NRXN3: variants seen among roughly 807,000 people sequenced by gnomAD.
NRXN3 encodes the protein neurexin III.
NRXN3 carries 32 observed loss-of-function variants against 137.6 expected under a neutral mutation model. The observed-to-expected ratio is 0.23, with a 90% CI of 0.18 to 0.31. The LOEUF is 0.31. Ranked by LOEUF, NRXN3 falls within the 10% of genes least tolerant of loss-of-function variation. The pLI is 1.00. For synonymous variants in NRXN3, 798 were observed against 784.5 expected (o/e 1.02, Z -0.29); for missense variants, 1,574 against 2,062.5 (o/e 0.76, Z 4.59).
In NRXN3 at chr14:78,881,888, C is replaced by T. The variant is rs2099130003; in HGVS notation, c.2275+71544C>T. On this transcript the variant is annotated intron_variant, in intron 10 of 20. Coordinates refer to ENST00000335750, the MANE Select transcript of NRXN3 (RefSeq NM_001330195.2). ...TGTCTCCAGGGCATGTCAGAGACCA[C>T]AACAGTCCCTCCCATCACAAACCTG... Among the ~76,000 whole-genome samples, 2 of 151,512 alleles carry T rather than the reference C, an allele frequency of 1.3e-5. 1 individual carries two copies. The highest frequency in any genetic ancestry group is 4.9e-5 in the African/African-American group (2 of 40,894).
chr14:79,049,689 A>G (rs1165593145), intron 15 of NRXN3, among the ~76,000 whole-genome samples: 2 of 152,180 alleles, frequency 1.3e-5, no homozygotes, highest in Non-Finnish European at 2.9e-5. Flanking sequence ...TACAAAATGT[A>G]TTTCTTCAAT....
chr14:79,405,752 A>C (rs189767028), intron 15 of NRXN3, among the ~76,000 whole-genome samples: 266 of 152,246 alleles, frequency 1.7e-3, no homozygotes, highest in Non-Finnish European at 2.9e-3. Flanking sequence ...TTGAATTTGC[A>C]ATGCCTGGAG....
At chr14:78,344,392 A>T (rs1255870420) in intron 4 of NRXN3, among the ~76,000 whole-genome samples, 6 of 152,246 alleles carry the variant, frequency 3.9e-5, no homozygotes, top group Admixed American at 2.6e-4. Context: ...GGATTCTCTC[A>T]CATGACAACA....
At chr14:78,770,039 T>C (rs1009751801) in intron 8 of NRXN3, among the ~76,000 whole-genome samples, 1 of 152,202 alleles carries the variant, frequency 6.6e-6, no homozygotes, top group African/African-American at 2.4e-5. Flanking sequence ...TCTAGGTATG[T>C]GTGTGCGTGT....
intron 8 of NRXN3, among the ~76,000 whole-genome samples, chr14:78,790,589 G>A (rs745954802): frequency 6.6e-6 from 1 of 152,188 alleles, no homozygotes; most frequent in Non-Finnish European, 1.5e-5. Flanking sequence ...AGTTTGGGTG[G>A]AGGGAAAGCA....
At chr14:79,596,664 G>T (rs1357653823) in intron 16 of NRXN3, among the ~76,000 whole-genome samples, 4 of 152,074 alleles carry the variant, frequency 2.6e-5, no homozygotes. Context: ...TCTGTGTGGG[G>T]GAGAAATTTA....
intron 15 of NRXN3, among the ~76,000 whole-genome samples, chr14:79,457,425 G>A (rs944807478): frequency 2.2e-4 from 33 of 152,302 alleles, no homozygotes; most frequent in African/African-American, 7.7e-4. Context: ...CAGATGATGA[G>A]GTAGAAGTGT....
intron 15 of NRXN3, among the ~76,000 whole-genome samples, chr14:79,017,613 C>T (rs2099581449): frequency 6.6e-6 from 1 of 152,114 alleles, no homozygotes; most frequent in Non-Finnish European, 1.5e-5. Context: ...CCAAGCATTA[C>T]TGGAGCAAAT....
chr14:79,184,339 A>G (rs577109442), intron 15 of NRXN3, among the ~76,000 whole-genome samples: 3 of 152,346 alleles, frequency 2.0e-5, no homozygotes, highest in East Asian at 1.9e-4. Flanking sequence ...GTGAAAAAGA[A>G]TAAGATATAA....
At chr14:79,341,032 T>G (rs758110688) in intron 15 of NRXN3, among the ~76,000 whole-genome samples, 57 of 152,190 alleles carry the variant, frequency 3.7e-4, no homozygotes, top group Non-Finnish European at 7.1e-4. Context: ...AAAGGGTTAA[T>G]GGGAGCATTT....
chr14:79,489,531 C>T (rs565375305), intron 16 of NRXN3, among the ~76,000 whole-genome samples: 8 of 152,272 alleles, frequency 5.3e-5, no homozygotes, highest in African/African-American at 1.7e-4. Context: ...AGACACCGGG[C>T]TCGTTTCACT....
intron 14 of NRXN3, among the ~76,000 whole-genome samples, chr14:78,982,351 C>G (rs955094650): frequency 1.3e-5 from 2 of 152,084 alleles, no homozygotes; most frequent in African/African-American, 2.4e-5. Flanking sequence ...GTAAAGGTGA[C>G]CAAGACAGAC....
At chr14:79,813,547 A>G (rs1388966087) in intron 20 of NRXN3, among the ~76,000 whole-genome samples, 1 of 152,180 alleles carries the variant, frequency 6.6e-6, no homozygotes, top group East Asian at 1.9e-4. Flanking sequence ...ATATAGATAT[A>G]CAAATCAAAC....
At chr14:78,192,195 G>T (rs1342446942) in intron 1 of NRXN3, among the ~76,000 whole-genome samples, 1 of 151,928 alleles carries the variant, frequency 6.6e-6, no homozygotes, top group African/African-American at 2.4e-5. Context: ...GCAGGAGATG[G>T]CTCCTGGCTA....
At chr14:78,939,954 A>G (rs1030397241) in intron 10 of NRXN3, among the ~76,000 whole-genome samples, 5 of 152,230 alleles carry the variant, frequency 3.3e-5, no homozygotes, top group African/African-American at 1.2e-4. Flanking sequence ...CTATGACAAA[A>G]TCGAATAATC....
At chr14:79,536,929 T>C (rs1303109293) in intron 16 of NRXN3, among the ~76,000 whole-genome samples, 2 of 152,198 alleles carry the variant, frequency 1.3e-5, no homozygotes, top group Non-Finnish European at 2.9e-5. Context: ...TATGTGTGCA[T>C]GTATCCTTAT....
rs199783575 is a variant in NRXN3 at position 78,943,619 on chromosome 14, AAAATATATATATATATATATATATAT to A, written c.2276-13621_2276-13596del. Among the ~76,000 whole-genome samples the A allele has an allele frequency of 1.8e-3, 78 of 42,810 alleles. 4 individuals are homozygous for A. Among genetic ancestry groups the A allele is most frequent in the East Asian group, 4.7e-3 (5 of 1,066 alleles). 28.1% of individuals were successfully genotyped at this position (42,810 alleles called of 152,430 possible). A position where few individuals can be genotyped will look rare whatever the true frequency, so the allele number is the denominator to read the frequency against. On this transcript the variant is annotated intron_variant, in intron 10 of 20. Transcript: ENST00000335750. ...GAAGCAAGATCACTGTTAAAAAAAA[AAAATATATATATATATATATATATAT>A]ATATATATATATATATATATATATA...
intron 15 of NRXN3, among the ~76,000 whole-genome samples, chr14:79,452,286 A>T (rs1459282120): frequency 1.3e-5 from 2 of 152,218 alleles, no homozygotes; most frequent in Non-Finnish European, 2.9e-5. Context: ...GCAAGAGTTA[A>T]AGACCAATTA....
chr14:78,709,677 G>A, intron 7 of NRXN3, 22 bp downstream of exon 7: 1 of 1,591,658 alleles, frequency 6.3e-7, no homozygotes, highest in Non-Finnish European at 8.6e-7. Context: ...CAGGATGTGT[G>A]ACTGAGACTA....
Sources: gnomAD v4.1 joint callset for allele counts (sites outside exome capture counted in the v4.1 genomes callset) on GRCh38, gnomAD v4.1.1 for gene constraint, MANE v1.5 for transcripts, NCBI Gene and HGNC (gene_info 2026-07-23, HGNC 2026-07-21) for gene names.